TEX11: variants seen among roughly 807,000 people sequenced by gnomAD.
The protein encoded by TEX11 is testis expressed 11, also known as testis-expressed protein 11.
In TEX11, 7 loss-of-function variants were observed where a neutral mutation model predicts 84.4. The observed-to-expected ratio is 0.08, with a 90% CI of 0.05 to 0.16. TEX11 has a LOEUF of 0.16. TEX11 is among the 10% of genes least tolerant of loss of function. TEX11 has a pLI of 1.00. For synonymous variants in TEX11, 264 were observed against 222.8 expected, an observed-to-expected ratio of 1.18 and a Z score of -1.64; for missense variants, 551 against 660.5, an observed-to-expected ratio of 0.83 and a Z score of 1.82.
intron 13 of TEX11, among the ~76,000 whole-genome samples, chrX:70,711,268 G>T (rs1372329782): frequency 1.1e-4 from 12 of 111,055 alleles, no homozygotes; most frequent in Admixed American, 2.9e-4. Flanking sequence ...TGTGTCTTTA[G>T]AGCAGCATGA....
intron 25 of TEX11, among the ~76,000 whole-genome samples, chrX:70,574,841 C>T (rs745782126): frequency 9.0e-6 from 1 of 110,968 alleles, no homozygotes; most frequent in African/African-American, 3.3e-5. Flanking sequence ...GGGGGTAAAA[C>T]TTGAGCAAGT....
intron 28 of TEX11, among the ~76,000 whole-genome samples, chrX:70,549,474 C>T (rs187397197): frequency 1.8e-5 from 2 of 111,605 alleles, no homozygotes; most frequent in South Asian, 7.6e-4. Flanking sequence ...CTAGGGTCCC[C>T]GGTTCCAGGC....
chrX:70,671,910 T>TATATATATATATATATATACACAC (rs57166359), intron 15 of TEX11, among the ~76,000 whole-genome samples: 7 of 67,979 alleles, frequency 1.0e-4, no homozygotes, highest in Non-Finnish European at 1.4e-4. Context: ...TATATATATA[T>TATATATATATATATATATACACAC]ACACACACAC....
intron 15 of TEX11, chrX:70,673,583 T>C (rs916162444): frequency 9.2e-6 from 1 of 108,134 alleles, no homozygotes; most frequent in African/African-American, 3.4e-5. Flanking sequence ...TTTTATAATC[T>C]ATTTAATTTT....
chrX:70,572,423 T>C (rs1207347126), intron 25 of TEX11, among the ~76,000 whole-genome samples: 3 of 111,353 alleles, frequency 2.7e-5, no homozygotes, highest in African/African-American at 6.5e-5. Context: ...CTAGTTCAAC[T>C]ATTGTGGAAG....
At chrX:70,860,174 C>A (rs545876739) in intron 5 of TEX11, among the ~76,000 whole-genome samples, 2 of 111,622 alleles carry the variant, frequency 1.8e-5, no homozygotes, top group South Asian at 7.5e-4. Context: ...TGGCTACAAT[C>A]TTTGAAAGAA....
intron 11 of TEX11, among the ~76,000 whole-genome samples, chrX:70,725,932 T>C (rs887386217): frequency 1.8e-5 from 2 of 111,794 alleles, no homozygotes; most frequent in Admixed American, 1.9e-4. Flanking sequence ...CAAAGCCAAT[T>C]AACCCCTACA....
downstream of TEX11, among the ~76,000 whole-genome samples, chrX:70,524,234 G>A (rs997277281): frequency 1.8e-5 from 2 of 112,236 alleles, no homozygotes; most frequent in African/African-American, 6.5e-5. Context: ...GGAGAGACTT[G>A]GTCCTCTATT....
intron 25 of TEX11, among the ~76,000 whole-genome samples, chrX:70,565,625 T>C (rs1465038972): frequency 9.0e-6 from 1 of 110,799 alleles, no homozygotes; most frequent in Non-Finnish European, 1.9e-5. Context: ...TACATATGGC[T>C]AGCCAGTTTT....
chrX:70,601,710 T>C (rs1392820897), intron 24 of TEX11, among the ~76,000 whole-genome samples: 2 of 99,121 alleles, frequency 2.0e-5, no homozygotes, highest in African/African-American at 7.4e-5. Context: ...TGTCCCTGGG[T>C]ACTTAAGATT....
intron 9 of TEX11, among the ~76,000 whole-genome samples, chrX:70,800,675 C>T (rs1249436507): frequency 1.0e-5 from 1 of 98,714 alleles, no homozygotes; most frequent in Admixed American, 1.2e-4. Flanking sequence ...TTCCTTCTTC[C>T]TATTTCATGT....
At chrX:70,750,537 A>T (rs1378782346) in intron 9 of TEX11, among the ~76,000 whole-genome samples, 1 of 109,864 alleles carries the variant, frequency 9.1e-6, no homozygotes, top group Admixed American at 9.8e-5. Flanking sequence ...TCCAACAATG[A>T]TAGACTGGTT....
chrX:70,906,326 A>G (rs978231591), intron 2 of TEX11, among the ~76,000 whole-genome samples: 1 of 106,770 alleles, frequency 9.4e-6, no homozygotes, highest in Non-Finnish European at 1.9e-5. Context: ...TCATTATATT[A>G]TTTTCTATAC....
chrX:70,842,967 G>A (rs761927619), intron 7 of TEX11, among the ~76,000 whole-genome samples: 4 of 111,377 alleles, frequency 3.6e-5, no homozygotes, highest in African/African-American at 1.3e-4. Context: ...CCACTGCTCA[G>A]TGAAATAAAA....
chrX:70,808,107 C>CA lies in TEX11; in HGVS notation c.607-1318dup, dbSNP rs549201546. 8.0e-4 allele frequency among the ~76,000 whole-genome samples: 26 copies of CA among 32,614 alleles called. 5 individuals carry two copies. Among genetic ancestry groups the CA allele is most frequent in the African/African-American group, 1.6e-3 (9 of 5,567 alleles). The allele number at this position is 32,614 out of a possible 115,157, so 28.3% of individuals were successfully genotyped here. A position where few individuals can be genotyped will look rare whatever the true frequency, so the allele number is the denominator to read the frequency against. On this transcript the variant is annotated intron_variant, in intron 8 of 29. Coordinates refer to ENST00000374333, the MANE Select transcript of TEX11 (RefSeq NM_031276.3). ...TGGATGACAGAGTGAGACTCTGTCT[C>CA]AAAAAAAAAAAAAAAAAAAAAAAAA...
At chrX:70,572,198 A>G (rs987590945) in intron 25 of TEX11, among the ~76,000 whole-genome samples, 1 of 110,997 alleles carries the variant, frequency 9.0e-6, no homozygotes, top group Non-Finnish European at 1.9e-5. Flanking sequence ...AAGGATATGA[A>G]CAGACACTTC....
intron 7 of TEX11, among the ~76,000 whole-genome samples, chrX:70,838,842 G>A (rs141086646): frequency 0.033 from 3,708 of 112,443 alleles, 61 homozygotes; most frequent in Non-Finnish European, 0.049. Context: ...ATTATATCCC[G>A]CACATGGCTC....
chrX:70,800,731 C>T (rs774619882), intron 9 of TEX11, among the ~76,000 whole-genome samples: 1 of 93,416 alleles, frequency 1.1e-5, no homozygotes, highest in Non-Finnish European at 2.1e-5. Context: ...CTCACTCTGT[C>T]ACCAAGGCTG....
intron 11 of TEX11, among the ~76,000 whole-genome samples, chrX:70,728,108 A>G (rs2090613496): frequency 8.9e-6 from 1 of 112,796 alleles, no homozygotes; most frequent in Non-Finnish European, 1.9e-5. Flanking sequence ...TTTCATTACT[A>G]TACAGCATGG....
Sources: allele counts gnomAD v4.1 joint callset (sites outside exome capture counted in the v4.1 genomes callset), GRCh38; gene constraint gnomAD v4.1.1; transcripts MANE v1.5; gene names NCBI Gene and HGNC (gene_info 2026-07-23, HGNC 2026-07-21).